CREB3L1: variants seen among roughly 807,000 people sequenced by gnomAD.
The protein encoded by CREB3L1 is cAMP responsive element binding protein 3 like 1, also known as cyclic AMP-responsive element-binding protein 3-like protein 1.
A neutral mutation model predicts 54.5 loss-of-function variants in CREB3L1; 33 were observed. That is an observed-to-expected ratio of 0.61 (90% CI 0.46 to 0.81). CREB3L1 has a LOEUF of 0.81. Among genes scored for constraint, CREB3L1 ranks in the 30% least tolerant of loss-of-function variants. The probability of loss-of-function intolerance (pLI) is 0.00; values close to 1 mark genes in which losing one functional copy is unlikely to be tolerated. For synonymous variants in CREB3L1, 284 were observed against 286.4 expected, an observed-to-expected ratio of 0.99 and a Z score of 0.08; for missense variants, 656 against 673.3, an observed-to-expected ratio of 0.97 and a Z score of 0.29.
chr11:46,290,645 A>G (rs751434833), intron 1 of CREB3L1, among the ~76,000 whole-genome samples: 20 of 151,810 alleles, frequency 1.3e-4, no homozygotes, highest in Non-Finnish European at 2.4e-4. Flanking sequence ...GCCTCTGACA[A>G]TCCCTTCAGA....
chr11:46,310,084 G>A lies in CREB3L1; in HGVS notation c.595+17G>A. Reference sequence around the variant, plus strand: ...TGACACCGGGTAGGTGTGTCCAGGGGAAGGGCTCTTTTCCCCTCCAGTCAT... The same window carrying A: ...TGACACCGGGTAGGTGTGTCCAGGGAAAGGGCTCTTTTCCCCTCCAGTCAT... On this transcript the variant is annotated intron_variant, in intron 4 of 11. Coordinates refer to ENST00000621158, the MANE Select transcript of CREB3L1 (RefSeq NM_052854.4). 3 of 1,559,658 alleles carry A rather than the reference G, an allele frequency of 1.9e-6. No homozygotes were observed. The highest frequency in any genetic ancestry group is 2.6e-6 in the Non-Finnish European group (3 of 1,147,598).
At chr11:46,279,693 G>T (rs1472578445) in intron 1 of CREB3L1, among the ~76,000 whole-genome samples, 2 of 152,022 alleles carry the variant, frequency 1.3e-5, no homozygotes, top group Non-Finnish European at 2.9e-5. Flanking sequence ...AGCAGGGATC[G>T]GGGGATCCAC....
chr11:46,291,532 G>T (rs1354759650), intron 1 of CREB3L1, among the ~76,000 whole-genome samples: 1 of 152,186 alleles, frequency 6.6e-6, no homozygotes, highest in Non-Finnish European at 1.5e-5. Flanking sequence ...CCATTGAACT[G>T]CTTTGCCTCT....
chr11:46,310,624 C>A (rs1336076472), intron 4 of CREB3L1, among the ~76,000 whole-genome samples: 3 of 151,882 alleles, frequency 2.0e-5, no homozygotes, highest in Admixed American at 2.0e-4. Flanking sequence ...GCTTGCCCAG[C>A]CTGACCCTAT....
intron 8 of CREB3L1, among the ~76,000 whole-genome samples, chr11:46,314,221 G>A (rs1241661182): frequency 6.7e-6 from 1 of 148,688 alleles, no homozygotes; most frequent in Non-Finnish European, 1.5e-5. Flanking sequence ...CTGGGTGGCA[G>A]AGTGAGACTC....
In CREB3L1 at chr11:46,297,374, TTCTAAGGCCCTGTCCC is replaced by T. The variant is rs1395779057; in HGVS notation, c.103-2558_103-2543del. ...TATGCTGATGGCATTGCCATCTGGGTTCTAAGGCCCTGTCCCTCCACCAGTATCATGAGCCAGGTGC... is the reference window on the plus strand; with the variant it reads ...TATGCTGATGGCATTGCCATCTGGGTTCCACCAGTATCATGAGCCAGGTGC... On this transcript the variant is annotated intron_variant, in intron 1 of 11. Transcript: ENST00000621158. Among the ~76,000 whole-genome samples, 5 of 152,336 alleles carry T rather than the reference TTCTAAGGCCCTGTCCC, an allele frequency of 3.3e-5. No individual in the cohort carries two copies. In the East Asian group the frequency reaches 9.6e-4, roughly 29 times the overall value.
At chr11:46,288,688 GA>G (rs971688459) in intron 1 of CREB3L1, among the ~76,000 whole-genome samples, 1 of 152,220 alleles carries the variant, frequency 6.6e-6, no homozygotes, top group Non-Finnish European at 1.5e-5. Flanking sequence ...TCCCCAGGAT[GA>G]ACCCAGTGTG....
At chr11:46,289,195 C>T (rs141013495) in intron 1 of CREB3L1, among the ~76,000 whole-genome samples, 9,522 of 152,092 alleles carry the variant, frequency 0.063, 441 homozygotes, top group Non-Finnish European at 0.09. Context: ...CTGGACAACA[C>T]AGTGAAACCC....
intron 3 of CREB3L1, among the ~76,000 whole-genome samples, chr11:46,309,620 A>C (rs1360536583): frequency 1.3e-5 from 2 of 152,190 alleles, no homozygotes; most frequent in African/African-American, 2.4e-5. Context: ...TACTGCTACC[A>C]GCCATTGAAC....
At position 46,312,437 on chromosome 11, in the gene CREB3L1, A is replaced by G. The variant is rs781029035; in HGVS notation, c.866A>G (p.Lys289Arg). The change falls in exon 6 of 12, where the codon AAG becomes AGG. Residue 289 changes from lysine to arginine, a missense_variant. This residue lies in a region of CREB3L1 where 77 missense variants were observed against 122.0 expected (regional missense o/e 0.63). Coordinates refer to ENST00000621158, the MANE Select transcript of CREB3L1 (RefSeq NM_052854.4). Reference sequence around the variant, plus strand: ...CTCCCCCTCACCAAAGCCGAGGAGAAGGCCTTGAAGAGAGTCCGGAGGAAA... The same window carrying G: ...CTCCCCCTCACCAAAGCCGAGGAGAGGGCCTTGAAGAGAGTCCGGAGGAAA... Reference protein sequence around the residue: ...TKLPLTKAEEKALKRVRRKIK... With the variant: ...TKLPLTKAEERALKRVRRKIK... 6.2e-7 allele frequency: 1 copy of G among 1,613,878 alleles called. No homozygotes were observed. The highest frequency in any genetic ancestry group is 2.2e-5 in the East Asian group (1 of 44,886).
intron 1 of CREB3L1, among the ~76,000 whole-genome samples, chr11:46,285,205 G>A (rs1939038727): frequency 6.6e-6 from 1 of 152,160 alleles, no homozygotes; most frequent in African/African-American, 2.4e-5. Context: ...GGCCCTCCTG[G>A]AGCATCTCTC....
At position 46,317,355 on chromosome 11, in the gene CREB3L1, TACCA is replaced by T. The variant is rs1461125287; in HGVS notation, c.1132-5_1132-2del. On this transcript the variant is annotated splice_acceptor_variant and splice_polypyrimidine_tract_variant and intron_variant, in intron 9 of 11. Transcript: ENST00000621158. LOFTEE classifies it high-confidence loss of function. ...AGATCTGATGCCACTCTCTCTTTGC[TACCA>T]GGTGGCAGCCTTGTGCTTTGTTCTG... 1 of 1,613,960 alleles carries T rather than the reference TACCA, an allele frequency of 6.2e-7. No individual in the cohort carries two copies. Among genetic ancestry groups the T allele is most frequent in the Non-Finnish European group, 8.5e-7 (1 of 1,179,862 alleles).
chr11:46,278,029 T>C lies in CREB3L1; in HGVS notation c.-83T>C. ...CTGCCCCCCGCCCGTTTGCCAGCGC[T>C]CAGGCAGGAGCTCTGGACTGGGCGC... On this transcript the variant is annotated 5_prime_UTR_variant, in exon 1 of 12. Transcript: ENST00000621158. The surrounding 1 kb of genome is among the most constrained non-coding windows in gnomAD (Gnocchi z 4.2). 1 of 549,870 alleles carries C rather than the reference T, an allele frequency of 1.8e-6. No homozygotes were observed. Among genetic ancestry groups the C allele is most frequent in the Non-Finnish European group, 2.7e-6 (1 of 368,220 alleles). 34.1% of individuals were successfully genotyped at this position (549,870 alleles called of 1,614,324 possible).
Position 46,311,131 on chromosome 11 carries a change from G to A in CREB3L1, c.695G>A (p.Arg232Lys). Reference protein sequence around the residue: ...PRSLPPSSPVRPMARSSTAIS... With the variant: ...PRSLPPSSPVKPMARSSTAIS... ...TCTCTGCCCCCCTCCAGCCCTGTCA[G>A]GCCCATGGCGCGCTCCTCCACGGCC... The change falls in exon 5 of 12, where the codon AGG becomes AAG. Residue 232 changes from arginine to lysine, a missense_variant. Coordinates refer to ENST00000621158, the MANE Select transcript of CREB3L1 (RefSeq NM_052854.4). 3 of 1,605,752 alleles carry A rather than the reference G, an allele frequency of 1.9e-6. No individual in the cohort carries two copies. The highest frequency in any genetic ancestry group is 2.2e-5 in the East Asian group (1 of 44,678).
rs867716629 is a variant in CREB3L1, at chr11:46,278,657, G to T, written c.102+444G>T. 4.6e-5 allele frequency among the ~76,000 whole-genome samples: 7 copies of T among 152,302 alleles called. 1 individual carries two copies. Among genetic ancestry groups the T allele is most frequent in the South Asian group, 4.2e-4 (2 of 4,818 alleles). On this transcript the variant is annotated intron_variant, in intron 1 of 11. Transcript: ENST00000621158. This position sits in a 1 kb window ranked among gnomAD's most constrained non-coding sequence, Gnocchi z 4.2. Reference sequence around the variant, plus strand: ...GGAACGTTCAGAGGGCCTGAGACCCGACCCCTCGGGGAAGCCAGGCCCAGA... The same window carrying T: ...GGAACGTTCAGAGGGCCTGAGACCCTACCCCTCGGGGAAGCCAGGCCCAGA...
chr11:46,287,106 C>T (rs147418927), intron 1 of CREB3L1, among the ~76,000 whole-genome samples: 1 of 152,290 alleles, frequency 6.6e-6, no homozygotes, highest in African/African-American at 2.4e-5. Context: ...AGACCTGGGG[C>T]CTCCCACTTG....
chr11:46,279,063 A>G (rs1234486476), intron 1 of CREB3L1, among the ~76,000 whole-genome samples: 1 of 152,014 alleles, frequency 6.6e-6, no homozygotes, highest in African/African-American at 2.4e-5. Flanking sequence ...GGGAGAAAAT[A>G]TTTGGGTTCA....
At chr11:46,312,799 T>A in intron 7 of CREB3L1, 52 bp from the exon 8 acceptor site, 1 of 1,554,360 alleles carries the variant, frequency 6.4e-7, no homozygotes, top group Non-Finnish European at 8.7e-7. Context: ...GCCGAGGAGC[T>A]GTTGTGAGTC....
At chr11:46,312,118 AAG>A (rs889233843) in intron 5 of CREB3L1, among the ~76,000 whole-genome samples, 1 of 152,174 alleles carries the variant, frequency 6.6e-6, no homozygotes, top group Non-Finnish European at 1.5e-5. Flanking sequence ...ACAATGCACT[AAG>A]AGCCTAACAC....
Sources: gnomAD v4.1 joint callset for allele counts (sites outside exome capture counted in the v4.1 genomes callset) on GRCh38, gnomAD v4.1.1 for gene constraint, gnomAD v4.1.1 regional missense constraint, Gnocchi (gnomAD v3.1) non-coding constraint, MANE v1.5 for transcripts, NCBI Gene and HGNC (gene_info 2026-07-23, HGNC 2026-07-21) for gene names.